Variants in CACNA2D3 observed in about 807,000 individuals in gnomAD.
The protein encoded by CACNA2D3 is voltage-dependent calcium channel subunit alpha-2/delta-3.
Under a neutral mutation model 160.6 loss-of-function variants are expected in CACNA2D3, and 60 were observed. That is an observed-to-expected ratio of 0.37 (90% CI 0.30 to 0.46). CACNA2D3 has a LOEUF of 0.46. CACNA2D3 is among the 20% of genes least tolerant of loss of function. CACNA2D3 has a pLI of 1.00. For missense variants in CACNA2D3, 1,205 were observed against 1,365.0 expected (o/e 0.88, Z 1.85); for synonymous variants, 558 against 492.9 (o/e 1.13, Z -1.75).
chr3:54,322,867 A>G (rs908826371), intron 3 of CACNA2D3, among the ~76,000 whole-genome samples: 1 of 152,278 alleles, frequency 6.6e-6, no homozygotes, highest in South Asian at 2.1e-4. Flanking sequence ...CTTTGAGAAG[A>G]AAAAAATAAG....
At chr3:54,615,854 C>T (rs1439931336) in intron 9 of CACNA2D3, among the ~76,000 whole-genome samples, 1 of 152,150 alleles carries the variant, frequency 6.6e-6, no homozygotes, top group African/African-American at 2.4e-5. Context: ...CAAGCATTAC[C>T]ACCTGAGCTC....
At chr3:54,404,696 G>T (rs9880873) in intron 4 of CACNA2D3, among the ~76,000 whole-genome samples, 51,038 of 151,820 alleles carry the variant, frequency 0.34, 8,874 homozygotes, top group East Asian at 0.41. Context: ...AAATTATCAC[G>T]AATTACAGAT....
At chr3:54,131,910 C>G (rs1277200649) in intron 2 of CACNA2D3, among the ~76,000 whole-genome samples, 1 of 152,210 alleles carries the variant, frequency 6.6e-6, no homozygotes, top group African/African-American at 2.4e-5. Context: ...AGGTGTTTGA[C>G]TCTTTGTACA....
At chr3:55,013,671 T>C (rs1703260636) in intron 34 of CACNA2D3, among the ~76,000 whole-genome samples, 2 of 152,222 alleles carry the variant, frequency 1.3e-5, no homozygotes, top group East Asian at 1.9e-4. Context: ...TCCATTTCCT[T>C]AATGAAGGGG....
In CACNA2D3 at chr3:54,442,618, A is replaced by G. The variant is rs180902921; in HGVS notation, c.381+55844A>G. Among the ~76,000 whole-genome samples, 29 of 152,344 alleles carry G rather than the reference A, an allele frequency of 1.9e-4. No individual in the cohort carries two copies. The East Asian group carries it at 2.9e-3, about 15-fold the overall frequency. ...CTCCTTGCAGCTGAACGCGCCGTCA[A>G]TGGGCTGATATTCATGTAGCAGCAT... On this transcript the variant is annotated intron_variant, in intron 4 of 37. Transcript: ENST00000474759.
chr3:54,791,756 T>G (rs2106648397), intron 13 of CACNA2D3, among the ~76,000 whole-genome samples: 1 of 152,218 alleles, frequency 6.6e-6, no homozygotes, highest in South Asian at 2.1e-4. Context: ...TAAAAAAAAA[T>G]TTAAAGAGGA....
chr3:54,335,566 CT>C (rs901142782), intron 3 of CACNA2D3, among the ~76,000 whole-genome samples: 3 of 152,118 alleles, frequency 2.0e-5, no homozygotes, highest in Non-Finnish European at 4.4e-5. Context: ...TGGCCAGCTT[CT>C]TTACTGCCAC....
At chr3:54,281,421 G>C (rs1702878596) in intron 2 of CACNA2D3, among the ~76,000 whole-genome samples, 1 of 152,166 alleles carries the variant, frequency 6.6e-6, no homozygotes, top group Non-Finnish European at 1.5e-5. Context: ...ATAGAGGCCT[G>C]GTGAACCCTC....
intron 11 of CACNA2D3, among the ~76,000 whole-genome samples, chr3:54,658,778 C>CA (rs1699918210): frequency 6.6e-6 from 1 of 151,880 alleles, no homozygotes; most frequent in African/African-American, 2.4e-5. Context: ...AAGATCCCCC[C>CA]AAACCTCCAC....
intron 31 of CACNA2D3, among the ~76,000 whole-genome samples, chr3:54,990,252 C>T (rs923039598): frequency 7.2e-5 from 11 of 152,256 alleles, no homozygotes; most frequent in African/African-American, 2.4e-4. Context: ...AATTTCAGAC[C>T]GGGTGCAGTG....
chr3:54,209,909 G>A (rs1701343357), intron 2 of CACNA2D3, among the ~76,000 whole-genome samples: 1 of 152,178 alleles, frequency 6.6e-6, no homozygotes, highest in African/African-American at 2.4e-5. Flanking sequence ...AGAGATGAAT[G>A]TTGCATGTGT....
intron 2 of CACNA2D3, among the ~76,000 whole-genome samples, chr3:54,170,875 A>T (rs973413881): frequency 5.9e-5 from 9 of 152,092 alleles, no homozygotes; most frequent in Non-Finnish European, 8.8e-5. Flanking sequence ...GTCATTCTCT[A>T]GGCTTTGTCA....
chr3:54,303,722 C>T (rs1356036757), intron 2 of CACNA2D3, among the ~76,000 whole-genome samples: 3 of 151,842 alleles, frequency 2.0e-5, no homozygotes, highest in African/African-American at 4.8e-5. Context: ...ACATGGCTCA[C>T]GGGACATGCC....
chr3:54,352,590 G>A (rs887360215), intron 3 of CACNA2D3, among the ~76,000 whole-genome samples: 4 of 152,164 alleles, frequency 2.6e-5, no homozygotes, highest in African/African-American at 4.8e-5. Context: ...CTTCCCAATC[G>A]GATCAGGCAC....
chr3:55,072,863 A>G (rs1248817992), intron 35 of CACNA2D3, among the ~76,000 whole-genome samples: 1 of 152,108 alleles, frequency 6.6e-6, no homozygotes, highest in East Asian at 1.9e-4. Context: ...GCTCTTTCTT[A>G]TAGAACTTGG....
At chr3:54,728,686 G>T (rs1033210339) in intron 11 of CACNA2D3, among the ~76,000 whole-genome samples, 27 of 152,114 alleles carry the variant, frequency 1.8e-4, no homozygotes, top group Admixed American at 3.3e-4. Context: ...TCCTGTGGCG[G>T]GCAAATAGAA....
intron 2 of CACNA2D3, among the ~76,000 whole-genome samples, chr3:54,161,664 T>C (rs1287421075): frequency 6.6e-6 from 1 of 152,240 alleles, no homozygotes; most frequent in African/African-American, 2.4e-5. Context: ...GTATTTGAAA[T>C]GACTGTTGCT....
intron 2 of CACNA2D3, among the ~76,000 whole-genome samples, chr3:54,192,051 G>A (rs570217085): frequency 2.0e-5 from 3 of 151,538 alleles, no homozygotes; most frequent in Non-Finnish European, 4.4e-5. Flanking sequence ...CTCCCTGCAA[G>A]TTTTCTTTAG....
intron 4 of CACNA2D3, among the ~76,000 whole-genome samples, chr3:54,393,905 A>G (rs1381197115): frequency 6.6e-6 from 1 of 152,100 alleles, no homozygotes; most frequent in African/African-American, 2.4e-5. Flanking sequence ...TGGGGTCATC[A>G]CTGTGCTGTT....
Sources: allele counts gnomAD v4.1 joint callset (sites outside exome capture counted in the v4.1 genomes callset), GRCh38; gene constraint gnomAD v4.1.1; transcripts MANE v1.5; gene names NCBI Gene and HGNC (gene_info 2026-07-23, HGNC 2026-07-21).